Variants in GALNT18 observed in about 807,000 individuals in gnomAD.
The protein encoded by GALNT18 is polypeptide N-acetylgalactosaminyltransferase 18.
Under a neutral mutation model 69.5 loss-of-function variants are expected in GALNT18, and 44 were observed. That is an observed-to-expected ratio of 0.63 (90% confidence interval 0.50 to 0.81). The LOEUF is 0.81. Ranked by LOEUF, GALNT18 falls within the 40% of genes least tolerant of loss-of-function variation. The pLI, the probability that GALNT18 is intolerant of heterozygous loss-of-function variation, is 0.00. For synonymous variants in GALNT18, 364 were observed against 318.2 expected (o/e 1.14, Z -1.53); for missense variants, 715 against 810.0 (o/e 0.88, Z 1.42).
chr11:11,618,722 GA>G lies in GALNT18; in HGVS notation c.235+2636del, dbSNP rs1167084087. Among the ~76,000 whole-genome samples the G allele has an allele frequency of 2.6e-5, 4 of 152,150 alleles. No individual in the cohort carries two copies. Among genetic ancestry groups the G allele is most frequent in the Admixed American group, 6.5e-5 (1 of 15,280 alleles). ...CCTCAGTTTCCATATCTGTAAAATG[GA>G]GCAAATATTACCTACTTCATAAGGT... On this transcript the variant is annotated intron_variant, in intron 1 of 10. Coordinates refer to ENST00000227756, the MANE Select transcript of GALNT18 (RefSeq NM_198516.3). The surrounding 1 kb of genome is among the most constrained non-coding windows in gnomAD (Gnocchi z 6.1).
chr11:11,589,076 T>G (rs946120792), intron 1 of GALNT18, among the ~76,000 whole-genome samples: 1 of 152,190 alleles, frequency 6.6e-6, no homozygotes, highest in East Asian at 1.9e-4. Context: ...GAAAATAAAC[T>G]GACTCTGAAA....
intron 9 of GALNT18, among the ~76,000 whole-genome samples, chr11:11,298,033 G>T (rs1849431642): frequency 6.6e-6 from 1 of 152,228 alleles, no homozygotes; most frequent in African/African-American, 2.4e-5. Flanking sequence ...ACAGAACTCT[G>T]GTTGCACATT....
At chr11:11,412,482 A>G (rs547856055) in intron 3 of GALNT18, among the ~76,000 whole-genome samples, 5 of 152,222 alleles carry the variant, frequency 3.3e-5, no homozygotes, top group African/African-American at 1.2e-4. Context: ...AGATGGCCCT[A>G]CTCTGCACAG....
intron 6 of GALNT18, chr11:11,351,987 G>C (rs753152053): frequency 1.9e-6 from 3 of 1,611,232 alleles, no homozygotes; most frequent in East Asian, 2.2e-5. Flanking sequence ...CATCCCAAGG[G>C]GGTTGGCAGC....
At chr11:11,352,988 T>G (rs778898420) in intron 6 of GALNT18, 8 of 1,614,204 alleles carry the variant, frequency 5.0e-6, no homozygotes, top group Non-Finnish European at 5.9e-6. Flanking sequence ...CTCGGCCTAA[T>G]TTTCGAACCA....
At chr11:11,451,690 C>T (rs981937783) in intron 1 of GALNT18, among the ~76,000 whole-genome samples, 14 of 152,238 alleles carry the variant, frequency 9.2e-5, no homozygotes, top group Admixed American at 8.5e-4. Context: ...TTGACCCCTG[C>T]TGGACTGCCA....
intron 6 of GALNT18, among the ~76,000 whole-genome samples, chr11:11,346,037 G>C (rs998459108): frequency 6.6e-6 from 1 of 152,144 alleles, no homozygotes; most frequent in Non-Finnish European, 1.5e-5. Context: ...ACCTGCTATC[G>C]CACGTCCTGA....
chr11:11,315,628 G>T lies in GALNT18; in HGVS notation c.1512+11458C>A, dbSNP rs1195405145. On this transcript the variant is annotated intron_variant, in intron 9 of 10. Coordinates refer to ENST00000227756, the MANE Select transcript of GALNT18 (RefSeq NM_198516.3). The surrounding 1 kb of genome is among the most constrained non-coding windows in gnomAD (Gnocchi z 5.6). ...ACCTACCATCACCATCACATGTGGGGCACCGGGTCAGGCATCATGGCATAC... is the reference window on the plus strand; with the variant it reads ...ACCTACCATCACCATCACATGTGGGTCACCGGGTCAGGCATCATGGCATAC... Among the ~76,000 whole-genome samples the T allele has an allele frequency of 2.0e-5, 3 of 152,140 alleles. No individual in the cohort carries two copies. The highest frequency in any genetic ancestry group is 2.9e-5 in the Non-Finnish European group (2 of 68,034).
At chr11:11,342,501 A>G (rs1339733939) in intron 6 of GALNT18, among the ~76,000 whole-genome samples, 1 of 152,220 alleles carries the variant, frequency 6.6e-6, no homozygotes. Flanking sequence ...TTAGTTAGGA[A>G]GGGAATGCCT....
At chr11:11,547,277 G>A (rs1198107154) in intron 1 of GALNT18, among the ~76,000 whole-genome samples, 1 of 152,126 alleles carries the variant, frequency 6.6e-6, no homozygotes, top group Non-Finnish European at 1.5e-5. Flanking sequence ...CTTTCCTGAA[G>A]GCTGGAGTGA....
intron 6 of GALNT18, among the ~76,000 whole-genome samples, chr11:11,362,467 T>C (rs1850664721): frequency 6.6e-6 from 1 of 152,138 alleles, no homozygotes; most frequent in Non-Finnish European, 1.5e-5. Context: ...CCATCTCTAA[T>C]GTGTAAAGAT....
chr11:11,589,376 T>G (rs1461040726), intron 1 of GALNT18, among the ~76,000 whole-genome samples: 1 of 152,254 alleles, frequency 6.6e-6, no homozygotes, highest in East Asian at 1.9e-4. Context: ...CAAACAAAAA[T>G]ACAAGCAATC....
Position 11,564,788 on chromosome 11 carries a change from G to A in GALNT18, c.235+56571C>T, listed in dbSNP as rs185524626. 1.8e-3 allele frequency among the ~76,000 whole-genome samples: 270 copies of A among 152,226 alleles called. No individual in the cohort carries two copies. Among genetic ancestry groups the A allele is most frequent in the African/African-American group, 6.2e-3 (256 of 41,544 alleles). Reference sequence around the variant, plus strand: ...CTGTTGGTAGGCACTAGCCACACATGGCTATTTAAATTAAATATGTTAATT... The same window carrying A: ...CTGTTGGTAGGCACTAGCCACACATAGCTATTTAAATTAAATATGTTAATT... On this transcript the variant is annotated intron_variant, in intron 1 of 10. Transcript: ENST00000227756. This position sits in a 1 kb window ranked among gnomAD's most constrained non-coding sequence, Gnocchi z 4.3.
At chr11:11,407,903 C>T (rs146645699) in intron 3 of GALNT18, among the ~76,000 whole-genome samples, 1 of 152,124 alleles carries the variant, frequency 6.6e-6, no homozygotes, top group African/African-American at 2.4e-5. Flanking sequence ...TTGGATGCAC[C>T]GAGTGGAGGC....
chr11:11,368,713 T>C (rs1850828777), intron 6 of GALNT18, among the ~76,000 whole-genome samples: 1 of 152,186 alleles, frequency 6.6e-6, no homozygotes, highest in African/African-American at 2.4e-5. Context: ...ATTATTTTTA[T>C]AGTGTCTTGC....
At chr11:11,588,992 C>A (rs997888598) in intron 1 of GALNT18, among the ~76,000 whole-genome samples, 9 of 152,210 alleles carry the variant, frequency 5.9e-5, no homozygotes, top group African/African-American at 2.2e-4. Context: ...TGGCACAATA[C>A]ACTAAGCCCT....
chr11:11,600,878 T>A lies in GALNT18; in HGVS notation c.235+20481A>T, dbSNP rs1859616492. Among the ~76,000 whole-genome samples the A allele has an allele frequency of 6.6e-6, 1 of 152,156 alleles. No homozygotes were observed. The highest frequency in any genetic ancestry group is 2.1e-4 in the South Asian group (1 of 4,830). On this transcript the variant is annotated intron_variant, in intron 1 of 10. Transcript: ENST00000227756. This position sits in a 1 kb window ranked among gnomAD's most constrained non-coding sequence, Gnocchi z 4.8. ...TGTGGTAATCTCTATTGATCTATCT[T>A]CAAATTTGCTGATACTTTCTTCTGC...
chr11:11,300,814 T>A (rs1321800413), intron 9 of GALNT18, among the ~76,000 whole-genome samples: 2 of 152,172 alleles, frequency 1.3e-5, no homozygotes, highest in African/African-American at 4.8e-5. Context: ...TTAAAACCTA[T>A]AAACCACAGT....
intron 7 of GALNT18, among the ~76,000 whole-genome samples, chr11:11,335,700 ATGAC>A (rs778509594): frequency 9.5e-4 from 144 of 152,326 alleles, no homozygotes; most frequent in Non-Finnish European, 1.8e-3. Flanking sequence ...TATGACTAAA[ATGAC>A]TGATATCTTT....
Sources: allele counts gnomAD v4.1 joint callset (sites outside exome capture counted in the v4.1 genomes callset), GRCh38; gene constraint gnomAD v4.1.1; non-coding constraint Gnocchi (gnomAD v3.1); transcripts MANE v1.5; gene names NCBI Gene and HGNC (gene_info 2026-07-23, HGNC 2026-07-21).